Variants in GALNT1 observed in about 807,000 individuals in gnomAD.
The protein encoded by GALNT1 is GalNAc transferase 1.
GALNT1 carries 17 observed loss-of-function variants against 65.7 expected under a neutral mutation model. The observed-to-expected ratio is 0.26, with a 90% CI of 0.18 to 0.39. The LOEUF is 0.39. Among genes scored for constraint, GALNT1 ranks in the 10% least tolerant of loss-of-function variants. The probability of loss-of-function intolerance (pLI) is 1.00; values close to 1 mark genes in which losing one functional copy is unlikely to be tolerated. For missense variants in GALNT1, 460 were observed against 672.8 expected, an observed-to-expected ratio of 0.68 and a Z score of 3.50; for synonymous variants, 210 against 219.7, an observed-to-expected ratio of 0.96 and a Z score of 0.39.
intron 2 of GALNT1, among the ~76,000 whole-genome samples, chr18:35,662,535 A>G (rs1416099767): frequency 6.6e-6 from 1 of 152,190 alleles, no homozygotes; most frequent in Admixed American, 6.5e-5. Flanking sequence ...AGTCAGCTTT[A>G]CCAGCTCGTC....
At chr18:35,692,882 C>A (rs1167221130) in intron 9 of GALNT1, among the ~76,000 whole-genome samples, 1 of 152,128 alleles carries the variant, frequency 6.6e-6, no homozygotes, top group Non-Finnish European at 1.5e-5. Context: ...AAGTGGCCTC[C>A]CACTCTGAAG....
At chr18:35,590,741 G>A (rs1053907719) in intron 1 of GALNT1, among the ~76,000 whole-genome samples, 5 of 152,164 alleles carry the variant, frequency 3.3e-5, no homozygotes, top group Admixed American at 1.3e-4. Flanking sequence ...TGAGTTATCA[G>A]TAAACACTTT....
Position 35,621,384 on chromosome 18 carries a change from G to A in GALNT1, c.-103-33176G>A, listed in dbSNP as rs540404819. Among the ~76,000 whole-genome samples the A allele has an allele frequency of 4.8e-4, 70 of 146,878 alleles. 9 individuals carry two copies. The highest frequency in any genetic ancestry group is 1.7e-3 in the African/African-American group (65 of 38,372). Reference sequence around the variant, plus strand: ...TACTTTTTGCTTTTTGTAGAGATGCGGTCTTCCTATGTTGCCCAGGCTGGT... The same window carrying A: ...TACTTTTTGCTTTTTGTAGAGATGCAGTCTTCCTATGTTGCCCAGGCTGGT... On this transcript the variant is annotated intron_variant, in intron 1 of 11. Coordinates refer to ENST00000269195, the MANE Select transcript of GALNT1 (RefSeq NM_020474.4).
chr18:35,704,578 G>A lies in GALNT1; in HGVS notation c.1533+935G>A, dbSNP rs2144753363. ...CCGCCTCAGTCTCTCAAAGTGCTGG[G>A]ATTACAGGCATGAGCCATCATATCT... is the stretch of plus-strand genomic sequence containing the variant. On this transcript the variant is annotated intron_variant, in intron 11 of 11. Transcript: ENST00000269195. Among the ~76,000 whole-genome samples the A allele has an allele frequency of 1.3e-5, 2 of 152,008 alleles. 1 individual carries two copies. The highest frequency in any genetic ancestry group is 1.3e-4 in the Admixed American group (2 of 15,284).
At chr18:35,626,794 A>G (rs996667307) in intron 1 of GALNT1, among the ~76,000 whole-genome samples, 1 of 152,196 alleles carries the variant, frequency 6.6e-6, no homozygotes, top group African/African-American at 2.4e-5. Context: ...AGATGGTTAC[A>G]TTACTTCTAA....
chr18:35,651,079 C>T (rs939239488), intron 1 of GALNT1, among the ~76,000 whole-genome samples: 10 of 152,158 alleles, frequency 6.6e-5, no homozygotes, highest in Non-Finnish European at 1.3e-4. Context: ...TTATGTTCTT[C>T]TGCCATGGCT....
intron 1 of GALNT1, among the ~76,000 whole-genome samples, chr18:35,632,977 A>G (rs966653879): frequency 3.9e-5 from 6 of 152,252 alleles, no homozygotes; most frequent in African/African-American, 1.4e-4. Context: ...AGAAATGCAA[A>G]TCAAAACCAC....
intron 8 of GALNT1, 33 bp from the exon 9 acceptor site, chr18:35,692,147 CT>C: frequency 6.4e-7 from 1 of 1,570,948 alleles, no homozygotes; most frequent in South Asian, 1.1e-5. Context: ...TAAAACAACA[CT>C]AATAATTCAG....
chr18:35,611,401 TCA>T (rs2046715289), intron 1 of GALNT1, among the ~76,000 whole-genome samples: 1 of 152,224 alleles, frequency 6.6e-6, no homozygotes, highest in South Asian at 2.1e-4. Context: ...AGTTTAACTT[TCA>T]GGTATTTTAT....
rs573143093 is a variant in GALNT1 at position 35,650,275 on chromosome 18, A to G, written c.-103-4285A>G. ...CAGCAAGTTTTTATTAGTGATTTCC[A>G]AAAGGGGAGGGAGTGTACGAATAGG... On this transcript the variant is annotated intron_variant, in intron 1 of 11. Coordinates refer to ENST00000269195, the MANE Select transcript of GALNT1 (RefSeq NM_020474.4). Among the ~76,000 whole-genome samples the G allele has an allele frequency of 2.0e-5, 3 of 152,258 alleles. No homozygotes were observed. In the South Asian group the frequency reaches 6.2e-4, roughly 32 times the overall value.
intron 1 of GALNT1, among the ~76,000 whole-genome samples, chr18:35,603,924 T>G (rs2046613000): frequency 6.6e-6 from 1 of 152,160 alleles, no homozygotes; most frequent in Non-Finnish European, 1.5e-5. Context: ...TTTTCTTTAT[T>G]TTTTTCTTTC....
At chr18:35,671,857 T>C (rs529753851) in intron 3 of GALNT1, among the ~76,000 whole-genome samples, 3 of 152,234 alleles carry the variant, frequency 2.0e-5, no homozygotes, top group African/African-American at 4.8e-5. Context: ...AGCACTGATA[T>C]TATTCTTCAA....
At chr18:35,631,324 C>A (rs1388587278) in intron 1 of GALNT1, among the ~76,000 whole-genome samples, 1 of 151,980 alleles carries the variant, frequency 6.6e-6, no homozygotes, top group East Asian at 1.9e-4. Context: ...ACTGGCAAAC[C>A]GAATCCAGCA....
At chr18:35,599,366 C>CTTTTTT (rs60191738) in intron 1 of GALNT1, among the ~76,000 whole-genome samples, 1 of 122,734 alleles carries the variant, frequency 8.1e-6, no homozygotes, top group African/African-American at 3.2e-5. Context: ...GAGATTTACA[C>CTTTTTT]TTTTTTTTTT....
chr18:35,709,819 T>C lies in GALNT1; in HGVS notation c.*49T>C, dbSNP rs781584716. 1.2e-6 allele frequency: 2 copies of C among 1,600,292 alleles called. No individual in the cohort carries two copies. The highest frequency in any genetic ancestry group is 2.2e-5 in the South Asian group (2 of 90,080). ...AAAAATAAGGATTGACTGGGCTACC[T>C]CAGCATACATTTCTGCCACATTCTT... is the stretch of plus-strand genomic sequence containing the variant. On this transcript the variant is annotated 3_prime_UTR_variant, in exon 12 of 12. Transcript: ENST00000269195.
At chr18:35,683,349 A>C in intron 4 of GALNT1, 42 bp from the exon 5 acceptor site, 1 of 1,503,698 alleles carries the variant, frequency 6.7e-7, no homozygotes, top group Non-Finnish European at 9.2e-7. Context: ...GAATAGTGCC[A>C]GGCCACACTG....
At chr18:35,647,622 A>G (rs542016839) in intron 1 of GALNT1, among the ~76,000 whole-genome samples, 1 of 152,154 alleles carries the variant, frequency 6.6e-6, no homozygotes, top group Admixed American at 6.5e-5. Flanking sequence ...GAAGGTTCTC[A>G]TATGTAATAC....
At chr18:35,643,908 G>C (rs1156393947) in intron 1 of GALNT1, among the ~76,000 whole-genome samples, 1 of 151,898 alleles carries the variant, frequency 6.6e-6, no homozygotes, top group Non-Finnish European at 1.5e-5. Context: ...TGTATCTTTT[G>C]CTTTTCTGTT....
At chr18:35,706,456 C>T (rs565793219) in intron 11 of GALNT1, among the ~76,000 whole-genome samples, 172 of 152,066 alleles carry the variant, frequency 1.1e-3, no homozygotes, top group Admixed American at 2.8e-3. Flanking sequence ...GAGCCGATAC[C>T]GCGCCACTGC....
Sources: allele counts gnomAD v4.1 joint callset (sites outside exome capture counted in the v4.1 genomes callset), GRCh38; gene constraint gnomAD v4.1.1; transcripts MANE v1.5; gene names NCBI Gene and HGNC (gene_info 2026-07-23, HGNC 2026-07-21).